CACNA1D: variants seen among roughly 807,000 people sequenced by gnomAD.
CACNA1D encodes calcium voltage-gated channel subunit alpha1 D.
CACNA1D carries 55 observed loss-of-function variants against 257.1 expected under a neutral mutation model. The observed-to-expected ratio is 0.21, with a 90% CI of 0.17 to 0.27. The LOEUF is 0.27. Ranked by LOEUF, CACNA1D falls within the 10% of genes least tolerant of loss-of-function variation. CACNA1D has a pLI of 1.00. For synonymous variants in CACNA1D, 980 were observed against 1,014.9 expected (o/e 0.97, Z 0.65); for missense variants, 1,876 against 2,784.0 (o/e 0.67, Z 7.34).
chr3:53,682,365 TAAAAAAAAAAAAAAA>T (rs3082718), intron 8 of CACNA1D, among the ~76,000 whole-genome samples: 26 of 47,366 alleles, frequency 5.5e-4, no homozygotes, highest in African/African-American at 2.1e-3. Flanking sequence ...TTGTCTCTGG[TAAAAAAAAAAAAAAA>T]AAAAAAAAAA....
At chr3:53,711,000 G>A (rs2094748634) in intron 9 of CACNA1D, among the ~76,000 whole-genome samples, 1 of 152,168 alleles carries the variant, frequency 6.6e-6, no homozygotes, top group African/African-American at 2.4e-5. Context: ...GGAAGCCGAG[G>A]CAGGAGGATC....
chr3:53,747,221 T>A (rs1043067161), intron 25 of CACNA1D, 81 bp from the exon 26 acceptor site: 7 of 1,219,834 alleles, frequency 5.7e-6, no homozygotes, highest in Non-Finnish European at 8.5e-6. Flanking sequence ...GGAGGTTGGA[T>A]TGGGGCAGTG....
Position 53,731,107 on chromosome 3 carries a change from C to T in CACNA1D, c.2367C>T (p.Asn789=), listed in dbSNP as rs775194032. Residue 789 remains asparagine (N), a synonymous_variant, in exon 17 of 48, where the codon AAC becomes AAT. Coordinates refer to ENST00000350061, the MANE Select transcript of CACNA1D (RefSeq NM_001128840.3). ...RKESLENKKN[N]KPEVNQIANS... is the part of the protein sequence containing the mutation. ...AGAGCCTAGAAAATAAAAAGAACAA[C>T]AAACCAGAAGTCAACCAGATAGCCA... is the stretch of plus-strand genomic sequence containing the variant. The T allele has an allele frequency of 5.6e-6, 9 of 1,611,196 alleles. No individual in the cohort carries two copies. Among genetic ancestry groups the T allele is most frequent in the Non-Finnish European group, 7.6e-6 (9 of 1,177,506 alleles).
chr3:53,547,607 G>A (rs1384731947), intron 3 of CACNA1D, among the ~76,000 whole-genome samples: 2 of 152,140 alleles, frequency 1.3e-5, no homozygotes, highest in East Asian at 1.9e-4. Context: ...GATGATGGAC[G>A]TTGCATTTGT....
chr3:53,762,119 C>G (rs2095306610), intron 30 of CACNA1D, 38 bp downstream of exon 30: 2 of 1,290,366 alleles, frequency 1.5e-6, no homozygotes, highest in Non-Finnish European at 1.1e-6. Flanking sequence ...CCTGTGTCCT[C>G]TCTCCTCTGT....
rs1216976033 is a variant in CACNA1D, at chr3:53,506,956, C to G, written c.483+5236C>G. ...GTCATAGTGGTATGTGCCTGTAGTC[C>G]CAGCTATGTGGGAGGCTGAGGCAGG... is the stretch of plus-strand genomic sequence containing the variant. On this transcript the variant is annotated intron_variant, in intron 3 of 47. Transcript: ENST00000350061. Among the ~76,000 whole-genome samples, 8 of 151,348 alleles carry G rather than the reference C, an allele frequency of 5.3e-5. 1 individual carries two copies. The South Asian group carries it at 1.0e-3, about 20-fold the overall frequency.
chr3:53,710,775 T>G (rs531006830), intron 9 of CACNA1D, among the ~76,000 whole-genome samples: 1 of 152,360 alleles, frequency 6.6e-6, no homozygotes, highest in East Asian at 1.9e-4. Context: ...TTAAAATACT[T>G]TTCCCCAAAT....
intron 3 of CACNA1D, among the ~76,000 whole-genome samples, chr3:53,568,406 A>T (rs147865190): frequency 1.2e-3 from 183 of 151,982 alleles, no homozygotes; most frequent in African/African-American, 4.2e-3. Context: ...TTCCAGCCTC[A>T]CTCTCGGCCG....
intron 9 of CACNA1D, among the ~76,000 whole-genome samples, chr3:53,709,058 C>T (rs905632294): frequency 6.6e-6 from 1 of 152,192 alleles, no homozygotes; most frequent in Non-Finnish European, 1.5e-5. Context: ...CACCATGAGA[C>T]CATCAGCTCC....
intron 3 of CACNA1D, among the ~76,000 whole-genome samples, chr3:53,513,468 C>A (rs2091205089): frequency 6.6e-6 from 1 of 152,052 alleles, no homozygotes; most frequent in African/African-American, 2.4e-5. Flanking sequence ...CTCGTCTCTA[C>A]CAAAAATACA....
chr3:53,648,927 T>C (rs186198496), intron 3 of CACNA1D, among the ~76,000 whole-genome samples: 4 of 151,714 alleles, frequency 2.6e-5, no homozygotes, highest in Admixed American at 2.6e-4. Flanking sequence ...GGGCAAGTGT[T>C]TAGAAATGAC....
intron 3 of CACNA1D, among the ~76,000 whole-genome samples, chr3:53,503,581 G>A (rs185763525): frequency 6.6e-6 from 1 of 152,348 alleles, no homozygotes; most frequent in African/African-American, 2.4e-5. Context: ...AGCTGCATGT[G>A]TAAGCCAATT....
rs2094903183 is a variant in CACNA1D, at chr3:53,723,579, G to A, written c.1812G>A (p.Leu604=). Residue 604 remains leucine (L), a synonymous_variant, in exon 13 of 48, where the codon TTG becomes TTA. Transcript: ENST00000350061. The surrounding 1 kb of genome is among the most constrained non-coding windows in gnomAD (Gnocchi z 5.6). ...GTGGTGGAATCACTGAGACGATCTT[G>A]GTGGAACTGGAAATCATGTCTCCCC... ...VVCGGITETI[L]VELEIMSPLG... 1 of 1,614,112 alleles carries A rather than the reference G, an allele frequency of 6.2e-7. No individual in the cohort carries two copies. The highest frequency in any genetic ancestry group is 8.5e-7 in the Non-Finnish European group (1 of 1,180,016).
intron 39 of CACNA1D, among the ~76,000 whole-genome samples, chr3:53,784,726 G>A (rs540891488): frequency 6.6e-6 from 1 of 152,296 alleles, no homozygotes; most frequent in African/African-American, 2.4e-5. Flanking sequence ...GGCCACCAGA[G>A]ACTCTCCCTG....
Position 53,774,539 on chromosome 3 carries a change from T to C in CACNA1D, c.4111-48T>C, listed in dbSNP as rs762257474. The C allele has an allele frequency of 4.4e-6, 5 of 1,139,026 alleles. No homozygotes were observed. The African/African-American group carries it at 7.6e-5, about 17-fold the overall frequency. The allele number at this position is 1,139,026 out of a possible 1,614,324, so 70.6% of individuals were successfully genotyped here. ...TTCTAAATTCACATACGGATTTTTT[T>C]TGCATGACGAAATCTATTCTCTTTT... On this transcript the variant is annotated intron_variant, in intron 33 of 47. Transcript: ENST00000350061. This position sits in a 1 kb window ranked among gnomAD's most constrained non-coding sequence, Gnocchi z 4.3.
chr3:53,795,863 G>T (rs926479739), intron 40 of CACNA1D, among the ~76,000 whole-genome samples: 1 of 152,184 alleles, frequency 6.6e-6, no homozygotes, highest in Admixed American at 6.5e-5. Flanking sequence ...TGGGAATAGC[G>T]CAACCCCTAG....
At chr3:53,805,223 C>A (rs2095556278) in intron 45 of CACNA1D, 77 bp downstream of exon 45, 1 of 1,372,108 alleles carries the variant, frequency 7.3e-7, no homozygotes, top group Non-Finnish European at 1.0e-6. Context: ...GCTCTGGGGG[C>A]CGGTGATGGA....
At chr3:53,799,986 T>C (rs1485357416) in intron 40 of CACNA1D, 8 of 523,144 alleles carry the variant, frequency 1.5e-5, no homozygotes, top group East Asian at 3.5e-5. Context: ...CCAGGCAGTG[T>C]TCCTTGGAAG....
At chr3:53,611,617 T>G (rs1197414696) in intron 3 of CACNA1D, among the ~76,000 whole-genome samples, 1 of 152,216 alleles carries the variant, frequency 6.6e-6, no homozygotes, top group Non-Finnish European at 1.5e-5. Flanking sequence ...CTTCTACCCC[T>G]CTGCCCAGAA....
Sources: allele counts gnomAD v4.1 joint callset (sites outside exome capture counted in the v4.1 genomes callset), GRCh38; gene constraint gnomAD v4.1.1; non-coding constraint Gnocchi (gnomAD v3.1); transcripts MANE v1.5; gene names NCBI Gene and HGNC (gene_info 2026-07-23, HGNC 2026-07-21).